RAB6A: variants seen among roughly 807,000 people sequenced by gnomAD.
RAB6A encodes the protein RAB6A, member RAS oncogene family.
RAB6A carries 8 observed loss-of-function variants against 32.3 expected under a neutral mutation model. The ratio of observed to expected loss-of-function variants is 0.25; its 90% CI spans 0.15 to 0.45. RAB6A has a LOEUF of 0.45. RAB6A is among the 20% of genes least tolerant of loss of function. The probability of loss-of-function intolerance (pLI) is 1.00; values close to 1 mark genes in which losing one functional copy is unlikely to be tolerated. For synonymous variants in RAB6A, 73 were observed against 82.1 expected, an observed-to-expected ratio of 0.89 and a Z score of 0.60; for missense variants, 104 against 249.4, an observed-to-expected ratio of 0.42 and a Z score of 3.93.
intron 1 of RAB6A, among the ~76,000 whole-genome samples, chr11:73,747,082 C>G (rs1015022234): frequency 1.1e-4 from 17 of 151,370 alleles, no homozygotes; most frequent in African/African-American, 3.9e-4. Context: ...ATGAGCCACC[C>G]CAACCAGCCA....
At chr11:73,736,824 A>AAAAAAAAAAAAAC (rs1555066487) in intron 1 of RAB6A, among the ~76,000 whole-genome samples, 78 of 144,650 alleles carry the variant, frequency 5.4e-4, no homozygotes, top group Non-Finnish European at 5.9e-4. Context: ...AAAAAAAAAA[A>AAAAAAAAAAAAAC]AACAATTAGC....
At chr11:73,745,999 A>G (rs2135003404) in intron 1 of RAB6A, among the ~76,000 whole-genome samples, 1 of 149,164 alleles carries the variant, frequency 6.7e-6, no homozygotes, top group East Asian at 2.0e-4. Context: ...CTCCATCTCA[A>G]AAAAAAAAAG....
chr11:73,736,995 A>AG lies in RAB6A; in HGVS notation c.71-6173_71-6172insC, dbSNP rs1328893363. On this transcript the variant is annotated intron_variant, in intron 1 of 7. Coordinates refer to ENST00000336083, the MANE Select transcript of RAB6A (RefSeq NM_198896.2). ...ACTGTCTCAAAAAAAAAAAAAAAAA[A>AG]AAGAAGAAAGAAAGAAAACAAGTGC... Among the ~76,000 whole-genome samples, 296 of 149,620 alleles carry AG rather than the reference A, an allele frequency of 2.0e-3. 2 individuals are homozygous for AG. Among genetic ancestry groups the AG allele is most frequent in the Admixed American group, 3.7e-3 (55 of 14,968 alleles).
chr11:73,756,208 G>A (rs996922441), intron 1 of RAB6A, among the ~76,000 whole-genome samples: 6 of 152,012 alleles, frequency 3.9e-5, no homozygotes, highest in Admixed American at 1.3e-4. Context: ...ACAAAAATTA[G>A]CCAGGCGTGG....
chr11:73,681,124 CT>C (rs1450952875), intron 6 of RAB6A, among the ~76,000 whole-genome samples: 3 of 152,164 alleles, frequency 2.0e-5, no homozygotes, highest in Non-Finnish European at 4.4e-5. Flanking sequence ...TACTTGCTTA[CT>C]TGAGGCAGTG....
chr11:73,716,257 T>G lies in RAB6A; in HGVS notation c.395A>C (p.Asp132Ala). 1.9e-6 allele frequency: 3 copies of G among 1,602,692 alleles called. No homozygotes were observed. The highest frequency in any genetic ancestry group is 2.6e-6 in the Non-Finnish European group (3 of 1,169,860). The change falls in exon 5 of 8, where the codon GAC becomes GCC. Residue 132 changes from aspartate (D) to alanine (A), a missense_variant. Asp to Ala is a moderately radical substitution (Grantham distance 126). Transcript: ENST00000336083. ...MLVGNKTDLA[D>A]KRQVSIEEGE... ...ATATAAAATAACTCCATACCTCTTG[T>G]CAGCAAGATCTGTTTTATTTCCTAC...
In RAB6A at chr11:73,737,740, A is replaced by C. The variant is rs562134637; in HGVS notation, c.71-6917T>G. 3.0e-3 allele frequency among the ~76,000 whole-genome samples: 463 copies of C among 152,264 alleles called. 3 individuals carry two copies. Among genetic ancestry groups the C allele is most frequent in the Non-Finnish European group, 4.2e-3 (288 of 68,008 alleles). ...CCGGGCATGGTGACTCACGCCTGTA[A>C]TCCCAGCACTTTGGGAGGCCAAGGC... On this transcript the variant is annotated intron_variant, in intron 1 of 7. Coordinates refer to ENST00000336083, the MANE Select transcript of RAB6A (RefSeq NM_198896.2).
intron 1 of RAB6A, among the ~76,000 whole-genome samples, chr11:73,742,743 G>A (rs1405497128): frequency 1.3e-5 from 2 of 152,114 alleles, no homozygotes; most frequent in African/African-American, 4.8e-5. Context: ...TCGGGAGATG[G>A]AGGTTGCAGT....
At chr11:73,751,011 C>T (rs776180061) in intron 1 of RAB6A, among the ~76,000 whole-genome samples, 5 of 151,524 alleles carry the variant, frequency 3.3e-5, no homozygotes, top group Admixed American at 6.6e-5. Context: ...CACTATGTTG[C>T]CCAGGCTGGT....
At chr11:73,759,954 G>A in intron 1 of RAB6A, 1 of 1,073,750 alleles carries the variant, frequency 9.3e-7, no homozygotes. Flanking sequence ...CCATGCTCAA[G>A]TCGTCTCCAA....
Position 73,718,617 on chromosome 11 carries a change from G to T in RAB6A, c.285C>A (p.Ile95=). 6.2e-7 allele frequency: 1 copy of T among 1,611,274 alleles called. No individual in the cohort carries two copies. The highest frequency in any genetic ancestry group is 1.1e-5 in the South Asian group (1 of 90,846). ...TGCATAATTCCCTCCACTCACTTGT[G>T]ATATCATAAACAACAACTGCCACAG... ...DSTVAVVVYD[I]TNVNSFQQTT... Residue 95 remains isoleucine (I), a synonymous_variant, in exon 4 of 8, where the codon ATC becomes ATA. Coordinates refer to ENST00000336083, the MANE Select transcript of RAB6A (RefSeq NM_198896.2).
intron 1 of RAB6A, among the ~76,000 whole-genome samples, chr11:73,747,436 A>ACCCCCCCCCCCC (rs35103580): frequency 1.4e-3 from 193 of 140,214 alleles, no homozygotes; most frequent in African/African-American, 3.3e-3. Context: ...TGTGATCGGA[A>ACCCCCCCCCCCC]CCCCCCCCCG....
rs764881503 is a variant in RAB6A at position 73,677,966 on chromosome 11, A to C, written c.563-4T>G. 6.2e-7 allele frequency: 1 copy of C among 1,614,158 alleles called. No homozygotes were observed. The highest frequency in any genetic ancestry group is 8.5e-7 in the Non-Finnish European group (1 of 1,179,996). ...TTTTCCAGTTTTATGTCAATCACTGAAACAAAAGTTAAGAAGCCATAAATG... is the reference window on the plus strand; with the variant it reads ...TTTTCCAGTTTTATGTCAATCACTGCAACAAAAGTTAAGAAGCCATAAATG... On this transcript the variant is annotated splice_region_variant and splice_polypyrimidine_tract_variant and intron_variant, in intron 7 of 7. Coordinates refer to ENST00000336083, the MANE Select transcript of RAB6A (RefSeq NM_198896.2).
At chr11:73,738,602 T>A (rs1326179185) in intron 1 of RAB6A, among the ~76,000 whole-genome samples, 1 of 152,152 alleles carries the variant, frequency 6.6e-6, no homozygotes. Flanking sequence ...TAAACTGTGA[T>A]AGTGCCACTG....
At chr11:73,699,246 C>A (rs1259949607) in intron 6 of RAB6A, among the ~76,000 whole-genome samples, 1 of 151,796 alleles carries the variant, frequency 6.6e-6, no homozygotes, top group Non-Finnish European at 1.5e-5. Flanking sequence ...TGCCAGCATT[C>A]GTTTTGCTTC....
At chr11:73,689,504 T>C (rs552897323) in intron 6 of RAB6A, among the ~76,000 whole-genome samples, 11 of 152,200 alleles carry the variant, frequency 7.2e-5, no homozygotes, top group South Asian at 2.1e-4. Flanking sequence ...GGCCCAAGGG[T>C]TGGGGACCCC....
intron 6 of RAB6A, among the ~76,000 whole-genome samples, chr11:73,696,421 T>TGACCTCAGGTGATCCTCCC (rs1945656677): frequency 6.6e-6 from 1 of 152,120 alleles, no homozygotes; most frequent in African/African-American, 2.4e-5. Context: ...CTCGAACTCC[T>TGACCTCAGGTGATCCTCCC]GACCTCAGGT....
At chr11:73,740,402 T>A (rs983250218) in intron 1 of RAB6A, among the ~76,000 whole-genome samples, 1 of 152,070 alleles carries the variant, frequency 6.6e-6, no homozygotes, top group Non-Finnish European at 1.5e-5. Flanking sequence ...CTCACTGCAA[T>A]ATCATATCCA....
chr11:73,721,729 AT>A (rs975311291), intron 2 of RAB6A, among the ~76,000 whole-genome samples: 1 of 152,134 alleles, frequency 6.6e-6, no homozygotes, highest in Non-Finnish European at 1.5e-5. Context: ...CACATATACT[AT>A]GTATATATGT....
Sources: gnomAD v4.1 joint callset for allele counts (sites outside exome capture counted in the v4.1 genomes callset) on GRCh38, gnomAD v4.1.1 for gene constraint, MANE v1.5 for transcripts, NCBI Gene and HGNC (gene_info 2026-07-23, HGNC 2026-07-21) for gene names.